Variants in ATP8A2 observed in about 807,000 individuals in gnomAD.
ATP8A2 encodes the protein phospholipid-transporting ATPase IB.
ATP8A2 carries 100 observed loss-of-function variants against 165.6 expected under a neutral mutation model. That is an observed-to-expected ratio of 0.60 (90% CI 0.51 to 0.71). ATP8A2 has a LOEUF of 0.71. Ranked by LOEUF, ATP8A2 falls within the 30% of genes least tolerant of loss-of-function variation. The pLI, the probability that ATP8A2 is intolerant of heterozygous loss-of-function variation, is 0.00. For synonymous variants in ATP8A2, 543 were observed against 548.8 expected, an observed-to-expected ratio of 0.99 and a Z score of 0.15; for missense variants, 1,227 against 1,479.5, an observed-to-expected ratio of 0.83 and a Z score of 2.80.
At chr13:25,975,577 A>G (rs1194989509) in intron 35 of ATP8A2, among the ~76,000 whole-genome samples, 1 of 135,080 alleles carries the variant, frequency 7.4e-6, no homozygotes, top group Non-Finnish European at 1.7e-5. Context: ...GTGAGACTCC[A>G]TCTCGAAAAA....
intron 35 of ATP8A2, among the ~76,000 whole-genome samples, chr13:25,970,356 C>A (rs1398797228): frequency 6.6e-6 from 1 of 152,158 alleles, no homozygotes; most frequent in Non-Finnish European, 1.5e-5. Flanking sequence ...AGAAAGGCTT[C>A]ATGTTGGAGA....
At chr13:25,757,207 A>G (rs2044281815) in intron 25 of ATP8A2, among the ~76,000 whole-genome samples, 1 of 152,180 alleles carries the variant, frequency 6.6e-6, no homozygotes, top group South Asian at 2.1e-4. Flanking sequence ...ACCTCGGACC[A>G]TTGGTCACAG....
At chr13:25,886,290 C>T (rs910340357) in intron 33 of ATP8A2, among the ~76,000 whole-genome samples, 10 of 152,266 alleles carry the variant, frequency 6.6e-5, no homozygotes, top group East Asian at 3.9e-4. Context: ...GGTGGAATAG[C>T]GTATTTGTTG....
intron 35 of ATP8A2, among the ~76,000 whole-genome samples, chr13:25,994,522 T>C (rs1295484312): frequency 6.6e-6 from 1 of 152,152 alleles, no homozygotes; most frequent in Non-Finnish European, 1.5e-5. Context: ...TTTTTGTAGA[T>C]GCTCTTTGTC....
chr13:25,857,546 GTTTCT>G (rs151223208), intron 30 of ATP8A2, among the ~76,000 whole-genome samples: 1 of 126,378 alleles, frequency 7.9e-6, no homozygotes, highest in African/African-American at 3.0e-5. Context: ...TGGCTAATAT[GTTTCT>G]TTTCTTTTCT....
chr13:25,902,580 AAAAC>A (rs1379768408), intron 33 of ATP8A2, among the ~76,000 whole-genome samples: 2 of 151,882 alleles, frequency 1.3e-5, no homozygotes, highest in Non-Finnish European at 2.9e-5. Context: ...TAAAAAAAAA[AAAAC>A]AAAAAAGAAT....
intron 33 of ATP8A2, among the ~76,000 whole-genome samples, chr13:25,937,942 TA>T (rs942808487): frequency 4.6e-5 from 7 of 151,498 alleles, no homozygotes; most frequent in Non-Finnish European, 1.0e-4. Flanking sequence ...ATTTATATAT[TA>T]ATCCAGCTTT....
intron 23 of ATP8A2, among the ~76,000 whole-genome samples, chr13:25,588,095 A>T (rs1402004496): frequency 6.6e-6 from 1 of 152,216 alleles, no homozygotes; most frequent in Non-Finnish European, 1.5e-5. Flanking sequence ...TTCCCTTGAG[A>T]TAACTGTTGT....
chr13:25,669,705 C>A lies in ATP8A2; in HGVS notation c.2212-29468C>A, dbSNP rs567811719. Reference sequence around the variant, plus strand: ...TACTAGTTTTTATTCCCTCTAGAAACTTCCTTCTTAGCCTCCACCTTCCCT... The same window carrying A: ...TACTAGTTTTTATTCCCTCTAGAAAATTCCTTCTTAGCCTCCACCTTCCCT... On this transcript the variant is annotated intron_variant, in intron 24 of 36. Coordinates refer to ENST00000381655, the MANE Select transcript of ATP8A2 (RefSeq NM_016529.6). 3.3e-5 allele frequency among the ~76,000 whole-genome samples: 5 copies of A among 152,300 alleles called. No homozygotes were observed. The South Asian group carries it at 1.0e-3, about 32-fold the overall frequency.
intron 2 of ATP8A2, among the ~76,000 whole-genome samples, chr13:25,501,909 T>C (rs2036863858): frequency 1.3e-5 from 2 of 152,282 alleles, no homozygotes; most frequent in African/African-American, 4.8e-5. Flanking sequence ...CAGAAAGACA[T>C]GCGTGTCTGA....
chr13:25,848,711 A>G (rs1951933723), intron 30 of ATP8A2, among the ~76,000 whole-genome samples: 1 of 152,184 alleles, frequency 6.6e-6, no homozygotes, highest in African/African-American at 2.4e-5. Context: ...AATTGTAATC[A>G]CTAACACTTG....
intron 24 of ATP8A2, among the ~76,000 whole-genome samples, chr13:25,692,503 A>G (rs570444507): frequency 1.3e-5 from 2 of 152,352 alleles, no homozygotes; most frequent in East Asian, 3.9e-4. Context: ...TGCCATCTGC[A>G]AATCGGTAGA....
chr13:25,942,215 A>G (rs1222297604), intron 33 of ATP8A2, among the ~76,000 whole-genome samples: 3 of 152,058 alleles, frequency 2.0e-5, no homozygotes, highest in African/African-American at 7.2e-5. Context: ...TAAACATTTG[A>G]GTTTCCTTTT....
At chr13:25,456,283 C>A (rs542544625) in intron 1 of ATP8A2, among the ~76,000 whole-genome samples, 1 of 152,184 alleles carries the variant, frequency 6.6e-6, no homozygotes, top group Non-Finnish European at 1.5e-5. Flanking sequence ...TCACTGTCTC[C>A]GCTTCTTCCA....
At chr13:25,959,337 C>A (rs542329980) in intron 33 of ATP8A2, among the ~76,000 whole-genome samples, 4 of 152,202 alleles carry the variant, frequency 2.6e-5, no homozygotes, top group Non-Finnish European at 4.4e-5. Flanking sequence ...TTCCATATAC[C>A]GTTCCATGCA....
At chr13:25,969,872 T>C (rs1299461154) in intron 35 of ATP8A2, among the ~76,000 whole-genome samples, 1 of 152,160 alleles carries the variant, frequency 6.6e-6, no homozygotes, top group Admixed American at 6.5e-5. Flanking sequence ...ACCGCAGATG[T>C]ACATATAACC....
chr13:25,666,376 A>G (rs1268092680), intron 24 of ATP8A2, among the ~76,000 whole-genome samples: 2 of 146,992 alleles, frequency 1.4e-5, no homozygotes, highest in East Asian at 2.2e-4. Flanking sequence ...TGCCCGGCTA[A>G]TTTTTTGTGT....
chr13:25,600,247 A>G (rs533081283), intron 24 of ATP8A2, among the ~76,000 whole-genome samples: 1 of 152,318 alleles, frequency 6.6e-6, no homozygotes, highest in African/African-American at 2.4e-5. Flanking sequence ...GCGAGCAGAC[A>G]AGAAGCAAAC....
chr13:25,995,149 T>C (rs748970172), intron 35 of ATP8A2, among the ~76,000 whole-genome samples: 8 of 152,002 alleles, frequency 5.3e-5, no homozygotes, highest in Non-Finnish European at 1.0e-4. Flanking sequence ...ATCTTTTTGA[T>C]ATTTGCAAGG....
Sources: gnomAD v4.1 joint callset for allele counts (sites outside exome capture counted in the v4.1 genomes callset) on GRCh38, gnomAD v4.1.1 for gene constraint, MANE v1.5 for transcripts, NCBI Gene and HGNC (gene_info 2026-07-23, HGNC 2026-07-21) for gene names.